The following CAMK2B variants were observed in gnomAD, a reference collection of about 807,000 sequenced individuals.
The protein encoded by CAMK2B is calcium/calmodulin dependent protein kinase II beta.
CAMK2B carries 27 observed loss-of-function variants against 93.7 expected under a neutral mutation model. The ratio of observed to expected loss-of-function variants is 0.29; its 90% confidence interval spans 0.21 to 0.40. The LOEUF (loss-of-function observed/expected upper bound fraction) is 0.40. Ranked by LOEUF, CAMK2B falls within the 10% of genes least tolerant of loss-of-function variation. The pLI is 1.00. For synonymous variants in CAMK2B, 374 were observed against 358.8 expected (o/e 1.04, Z -0.48); for missense variants, 568 against 895.8 (o/e 0.63, Z 4.67).
At chr7:44,262,256 G>A (rs2096884780) in intron 3 of CAMK2B, among the ~76,000 whole-genome samples, 2 of 152,314 alleles carry the variant, frequency 1.3e-5, no homozygotes, top group South Asian at 4.1e-4. Context: ...GAGCTTTGGA[G>A]GAAAGGGCCC....
chr7:44,308,211 T>G (rs903844286), intron 1 of CAMK2B, among the ~76,000 whole-genome samples: 1 of 152,200 alleles, frequency 6.6e-6, no homozygotes, highest in African/African-American at 2.4e-5. Flanking sequence ...TCTTTGCCCC[T>G]AAAATCCAGA....
intron 1 of CAMK2B, among the ~76,000 whole-genome samples, chr7:44,287,074 C>T (rs1396204177): frequency 6.6e-6 from 1 of 152,060 alleles, no homozygotes; most frequent in Non-Finnish European, 1.5e-5. Context: ...GTCCCCTTTC[C>T]CAGCGACTTG....
chr7:44,266,428 C>T (rs1406123131), intron 2 of CAMK2B, among the ~76,000 whole-genome samples: 2 of 152,210 alleles, frequency 1.3e-5, no homozygotes, highest in African/African-American at 4.8e-5. Flanking sequence ...AAATTGAACC[C>T]AATCCAGTGC....
chr7:44,270,312 C>T lies in CAMK2B; in HGVS notation c.161-7248G>A, dbSNP rs934816894. 7.9e-5 allele frequency among the ~76,000 whole-genome samples: 12 copies of T among 152,310 alleles called. No homozygotes were observed. The East Asian group carries it at 1.2e-3, about 15-fold the overall frequency. On this transcript the variant is annotated intron_variant, in intron 2 of 23. Transcript: ENST00000395749. ...TGCTCCAGCTGCCCTGGCCTGGAAG[C>T]AGTGGCTGGGGAGGGATGGGCCAGA...
chr7:44,278,223 C>T (rs2097067740), intron 2 of CAMK2B, among the ~76,000 whole-genome samples: 1 of 152,214 alleles, frequency 6.6e-6, no homozygotes, highest in Non-Finnish European at 1.5e-5. Context: ...CACCAGAAAG[C>T]TACTGGGTAT....
intron 13 of CAMK2B, among the ~76,000 whole-genome samples, chr7:44,235,661 C>A (rs541215083): frequency 6.6e-6 from 1 of 152,294 alleles, no homozygotes; most frequent in South Asian, 2.1e-4. Context: ...GGTCACCAGT[C>A]CTGGACCACG....
chr7:44,269,515 CCCT>C (rs1021369434), intron 2 of CAMK2B, among the ~76,000 whole-genome samples: 4 of 152,202 alleles, frequency 2.6e-5, no homozygotes, highest in Admixed American at 2.6e-4. Context: ...CCCTCCCAGC[CCCT>C]CCTCCTCCCT....
rs2128852680 is a variant in CAMK2B at position 44,219,224 on chromosome 7, G to A, written c.*301C>T. ...ACGGACACACGTGGAGCTTGGGTGG[G>A]GAGTGGCCCCACGAATGCCAGTGAT... On this transcript the variant is annotated 3_prime_UTR_variant, in exon 24 of 24. Transcript: ENST00000395749. 1 of 152,146 alleles carries A rather than the reference G, an allele frequency of 6.6e-6. No individual in the cohort carries two copies. The highest frequency in any genetic ancestry group is 2.4e-5 in the African/African-American group (1 of 41,512). The allele number at this position is 152,146 out of a possible 1,614,324, so 9.4% of individuals were successfully genotyped here.
chr7:44,272,147 G>C (rs2096980452), intron 2 of CAMK2B, among the ~76,000 whole-genome samples: 1 of 148,432 alleles, frequency 6.7e-6, no homozygotes, highest in Admixed American at 6.6e-5. Flanking sequence ...GGCTGGACAA[G>C]CCTGCTCTCC....
At chr7:44,283,145 C>A (rs1412014785) in intron 2 of CAMK2B, among the ~76,000 whole-genome samples, 1 of 152,266 alleles carries the variant, frequency 6.6e-6, no homozygotes, top group Non-Finnish European at 1.5e-5. Flanking sequence ...GGGGCTCCAG[C>A]AGGACCCCTG....
At chr7:44,315,322 A>C (rs1035538924) in intron 1 of CAMK2B, among the ~76,000 whole-genome samples, 1 of 152,318 alleles carries the variant, frequency 6.6e-6, no homozygotes, top group Admixed American at 6.5e-5. Flanking sequence ...CATTTGTTGA[A>C]TGGACCGTTA....
chr7:44,304,396 T>C (rs1180561765), intron 1 of CAMK2B, among the ~76,000 whole-genome samples: 1 of 152,208 alleles, frequency 6.6e-6, no homozygotes, highest in African/African-American at 2.4e-5. Context: ...GACAATGGAA[T>C]ATTATTCAGC....
At chr7:44,283,773 C>T (rs544962026) in intron 2 of CAMK2B, among the ~76,000 whole-genome samples, 1 of 152,378 alleles carries the variant, frequency 6.6e-6, no homozygotes, top group Admixed American at 6.5e-5. Context: ...AACCTCTTCC[C>T]CTCCAGCTCT....
chr7:44,319,445 A>C (rs1795540857), intron 1 of CAMK2B, among the ~76,000 whole-genome samples: 1 of 152,196 alleles, frequency 6.6e-6, no homozygotes, highest in Non-Finnish European at 1.5e-5. Context: ...AAGATACAAA[A>C]CCTAAACATT....
chr7:44,225,907 C>G lies in CAMK2B; in HGVS notation c.1597+609G>C. Reference sequence around the variant, plus strand: ...TCATCCATCCCTGTAAGTGATACTGCGGGTAGTCGGCAGACAGACCGGGAG... The same window carrying G: ...TCATCCATCCCTGTAAGTGATACTGGGGGTAGTCGGCAGACAGACCGGGAG... On this transcript the variant is annotated intron_variant, in intron 20 of 23. Transcript: ENST00000395749. The surrounding 1 kb of genome is among the most constrained non-coding windows in gnomAD (Gnocchi z 5.0). The G allele has an allele frequency of 7.8e-7, 1 of 1,285,384 alleles. No individual in the cohort carries two copies. Among genetic ancestry groups the G allele is most frequent in the Non-Finnish European group, 1.0e-6 (1 of 985,862 alleles). The allele number at this position is 1,285,384 out of a possible 1,614,324, so 79.6% of individuals were successfully genotyped here.
chr7:44,240,173 G>A (rs537328103), intron 12 of CAMK2B, among the ~76,000 whole-genome samples: 5 of 151,898 alleles, frequency 3.3e-5, no homozygotes, highest in Non-Finnish European at 7.4e-5. Context: ...GTCTGCCAGC[G>A]CCCTGGGCCT....
At chr7:44,263,798 C>T (rs1345376285) in intron 2 of CAMK2B, 1 of 154,144 alleles carries the variant, frequency 6.5e-6, no homozygotes, top group Non-Finnish European at 1.5e-5. Context: ...CCCACACTTC[C>T]ACTGACAGAG....
rs753094608 is a variant in CAMK2B, at chr7:44,239,576, G to A, written c.1021+13C>T. On this transcript the variant is annotated intron_variant, in intron 13 of 23. Transcript: ENST00000395749. The stretch of plus-strand genomic sequence containing the variant: ...GGCGGGAGCGGGCGGGACGCTGGTC[G>A]AGACACATCTACCTTGTTCCACCAG... The A allele has an allele frequency of 2.2e-4, 333 of 1,546,278 alleles. No individual in the cohort carries two copies. The highest frequency in any genetic ancestry group is 2.7e-4 in the Non-Finnish European group (304 of 1,144,836).
In CAMK2B at chr7:44,242,211, G is replaced by A. The variant is rs770871191; in HGVS notation, c.819+7C>T. 19 of 1,610,614 alleles carry A rather than the reference G, an allele frequency of 1.2e-5. No individual in the cohort carries two copies. Among genetic ancestry groups the A allele is most frequent in the Admixed American group, 5.0e-5 (3 of 59,620 alleles). On this transcript the variant is annotated splice_region_variant and intron_variant, in intron 10 of 23. Transcript: ENST00000395749. ...CCTCCCCACCATGGGCACCAAGGGC[G>A]ACTCACGCAGACCCACGGGTGCTTC...
Sources: gnomAD v4.1 joint callset for allele counts (sites outside exome capture counted in the v4.1 genomes callset) on GRCh38, gnomAD v4.1.1 for gene constraint, Gnocchi (gnomAD v3.1) non-coding constraint, MANE v1.5 for transcripts, NCBI Gene and HGNC (gene_info 2026-07-23, HGNC 2026-07-21) for gene names.